Variants in ATAD3B observed in about 807,000 individuals in gnomAD.
ATAD3B encodes the protein ATPase family AAA domain containing 3B.
In ATAD3B, 59 loss-of-function variants were observed where a neutral mutation model predicts 70.2. That is an observed-to-expected ratio of 0.84 (90% CI 0.68 to 1.04). ATAD3B has a LOEUF of 1.04. Among genes scored for constraint, ATAD3B ranks in the 50% least tolerant of loss-of-function variants. The pLI, the probability that ATAD3B is intolerant of heterozygous loss-of-function variation, is 0.00. For missense variants in ATAD3B, 961 were observed against 913.4 expected, an observed-to-expected ratio of 1.05 and a Z score of -0.67; for synonymous variants, 423 against 388.6, an observed-to-expected ratio of 1.09 and a Z score of -1.04.
intron 4 of ATAD3B, among the ~76,000 whole-genome samples, chr1:1,479,408 C>CT (rs1639778608): frequency 6.9e-6 from 1 of 144,228 alleles, no homozygotes; most frequent in African/African-American, 2.6e-5. Context: ...ACACACACAC[C>CT]CCTGCACACA....
At chr1:1,495,338 C>A in intron 15 of ATAD3B, 147 bp from the exon 16 acceptor site, 1 of 1,142,748 alleles carries the variant, frequency 8.8e-7, no homozygotes, top group Non-Finnish European at 1.2e-6. Context: ...GCGTGCTGGG[C>A]TCTGCCAAGG....
chr1:1,495,596 G>T lies in ATAD3B; in HGVS notation c.1726G>T (p.Gly576Trp). 6.2e-7 allele frequency: 1 copy of T among 1,613,170 alleles called. No homozygotes were observed. Among genetic ancestry groups the T allele is most frequent in the Non-Finnish European group, 8.5e-7 (1 of 1,179,512 alleles). The change falls in exon 16 of 16, where the codon GGG (glycine) becomes TGG (tryptophan). Residue 576 changes from glycine to tryptophan, a missense_variant. Around this residue, in one of 4 missense-constraint regions of ATAD3B, gnomAD observed 417 missense variants for 335.0 expected, o/e 1.24. Coordinates refer to ENST00000673477, the MANE Select transcript of ATAD3B (RefSeq NM_031921.6). ...RQKMRWLKAE[G>W]PGRGVEHPLS... The stretch of plus-strand genomic sequence containing the variant: ...GAAGATGCGCTGGCTGAAGGCGGAG[G>T]GGCCTGGGCGCGGGGTCGAGCACCC...
intron 8 of ATAD3B, among the ~76,000 whole-genome samples, chr1:1,485,421 G>A (rs573556080): frequency 1.3e-5 from 2 of 152,038 alleles, no homozygotes; most frequent in Admixed American, 1.3e-4. Context: ...GCACATCGGG[G>A]TCCTTGCAAG....
At chr1:1,502,204 CTT>C (rs903839728), downstream of ATAD3B, among the ~76,000 whole-genome samples, 1 of 147,922 alleles carries the variant, frequency 6.8e-6, no homozygotes, top group Non-Finnish European at 1.5e-5. Context: ...TTTACTCTGG[CTT>C]TTTTTTTCTC....
downstream of ATAD3B, among the ~76,000 whole-genome samples, chr1:1,498,187 C>T (rs1396942896): frequency 6.6e-6 from 1 of 151,972 alleles, no homozygotes; most frequent in Non-Finnish European, 1.5e-5. Flanking sequence ...ACTGTAATCC[C>T]AGCTACTCGG....
rs2100566915 is a variant in ATAD3B, at chr1:1,485,109, CCGT to C, written c.846_848del (p.Ser283del). Reference sequence around the variant, plus strand: ...CTTCATCGAGGCTCGGCTGGGGAAGCCGTCCCTAGTGAGGGAGACGTCCCGCAT... The same window carrying C: ...CTTCATCGAGGCTCGGCTGGGGAAGCCCCTAGTGAGGGAGACGTCCCGCAT... On this transcript the variant is annotated inframe_deletion, in exon 8 of 16. Coordinates refer to ENST00000673477, the MANE Select transcript of ATAD3B (RefSeq NM_031921.6). The C allele has an allele frequency of 6.2e-7, 1 of 1,610,272 alleles. No homozygotes were observed. Among genetic ancestry groups the C allele is most frequent in the East Asian group, 2.2e-5 (1 of 44,852 alleles).
At chr1:1,492,811 C>T (rs983790747) in intron 15 of ATAD3B, among the ~76,000 whole-genome samples, 4 of 150,332 alleles carry the variant, frequency 2.7e-5, no homozygotes, top group Non-Finnish European at 4.5e-5. Flanking sequence ...TGGTGGCTGG[C>T]GCCTGTAGTC....
intron 13 of ATAD3B, chr1:1,489,809 C>T: frequency 7.9e-7 from 1 of 1,271,646 alleles, no homozygotes; most frequent in East Asian, 5.5e-5. Flanking sequence ...AGCCCTGACT[C>T]AGGTCCTTCC....
At chr1:1,498,372 G>A (rs1351579785), downstream of ATAD3B, among the ~76,000 whole-genome samples, 2 of 151,910 alleles carry the variant, frequency 1.3e-5, no homozygotes, top group Admixed American at 1.3e-4. Flanking sequence ...GGCTTAGCTA[G>A]GAGGATCGCC....
At chr1:1,508,751 C>T in the ATAD3B span, among the ~76,000 whole-genome samples, 3 of 151,178 alleles carry the variant, frequency 2.0e-5, no homozygotes, top group Non-Finnish European at 2.9e-5. Flanking sequence ...CAGGGGTGGC[C>T]TTGGTGCCAC....
Position 1,485,070 on chromosome 1 carries a change from G to T in ATAD3B, c.805G>T (p.Ala269Ser). 1 of 1,607,832 alleles carries T rather than the reference G, an allele frequency of 6.2e-7. No homozygotes were observed. The highest frequency in any genetic ancestry group is 8.5e-7 in the Non-Finnish European group (1 of 1,178,354). Residue 269 changes from alanine to serine, a missense_variant, in exon 8 of 16, where the codon GCC becomes TCC. Ala to Ser is a moderately conservative substitution (Grantham distance 99, BLOSUM62 1). Around this residue, in one of 4 missense-constraint regions of ATAD3B, gnomAD observed 349 missense variants for 307.5 expected, o/e 1.14. Coordinates refer to ENST00000673477, the MANE Select transcript of ATAD3B (RefSeq NM_031921.6). Reference protein sequence around the residue: ...VGVYSAKNATAVTGRFIEARL... With the variant: ...VGVYSAKNATSVTGRFIEARL... ...GGTCTACTCAGCCAAGAATGCGACA[G>T]CCGTCACTGGCCGCTTCATCGAGGC...
intron 1 of ATAD3B, among the ~76,000 whole-genome samples, chr1:1,475,598 G>A (rs1221056263): frequency 4.6e-5 from 7 of 151,794 alleles, no homozygotes; most frequent in Admixed American, 1.3e-4. Flanking sequence ...CCCCTCCTCC[G>A]GCCTGTCCTT....
the ATAD3B span, among the ~76,000 whole-genome samples, chr1:1,502,938 C>T: frequency 6.6e-6 from 1 of 151,158 alleles, no homozygotes; most frequent in Non-Finnish European, 1.5e-5. Context: ...GTATAAGCCA[C>T]ATCAGGCCGG....
chr1:1,500,278 T>C (rs1382767315), downstream of ATAD3B, among the ~76,000 whole-genome samples: 63 of 140,270 alleles, frequency 4.5e-4, no homozygotes, highest in East Asian at 1.7e-3. Context: ...TGTGGCCGGG[T>C]GCGGTGGCTC....
At chr1:1,506,372 G>T in the ATAD3B span, among the ~76,000 whole-genome samples, 1 of 151,028 alleles carries the variant, frequency 6.6e-6, no homozygotes. Context: ...TCTCTATATT[G>T]CCTTGACGTC....
chr1:1,496,278 A>G lies in ATAD3B; in HGVS notation c.*461A>G. 2.0e-6 allele frequency: 2 copies of G among 977,652 alleles called. No homozygotes were observed. The highest frequency in any genetic ancestry group is 2.4e-6 in the Non-Finnish European group (2 of 821,388). The allele number at this position is 977,652 out of a possible 1,614,324, so 60.6% of individuals were successfully genotyped here. A position where few individuals can be genotyped will look rare whatever the true frequency, so the allele number is the denominator to read the frequency against. ...TAGCGTCCTCCTGGGGTCAAAGGTGACATAAGAGGCAGAGGCTGGAGCTTT... is the reference window on the plus strand; with the variant it reads ...TAGCGTCCTCCTGGGGTCAAAGGTGGCATAAGAGGCAGAGGCTGGAGCTTT... On this transcript the variant is annotated 3_prime_UTR_variant, in exon 16 of 16. Transcript: ENST00000673477.
chr1:1,496,305 T>C lies in ATAD3B; in HGVS notation c.*488T>C, dbSNP rs552025494. On this transcript the variant is annotated 3_prime_UTR_variant, in exon 16 of 16. Coordinates refer to ENST00000673477, the MANE Select transcript of ATAD3B (RefSeq NM_031921.6). Reference sequence around the variant, plus strand: ...ATAAGAGGCAGAGGCTGGAGCTTTCTGGAGAATTTACTGATCACAGAGCGG... The same window carrying C: ...ATAAGAGGCAGAGGCTGGAGCTTTCCGGAGAATTTACTGATCACAGAGCGG... 2.3e-5 allele frequency: 21 copies of C among 930,058 alleles called. No individual in the cohort carries two copies. In the African/African-American group the frequency reaches 3.7e-4, roughly 16 times the overall value. The allele number at this position is 930,058 out of a possible 1,614,324, so 57.6% of individuals were successfully genotyped here.
downstream of ATAD3B, among the ~76,000 whole-genome samples, chr1:1,498,137 C>T (rs986205804): frequency 6.6e-6 from 1 of 150,734 alleles, no homozygotes; most frequent in African/African-American, 2.4e-5. Flanking sequence ...ACCCCCATCT[C>T]TATTAAAAAT....
Position 1,472,076 on chromosome 1 carries a change from G to A in ATAD3B, c.192G>A (p.Glu64=). 2 of 1,217,992 alleles carry A rather than the reference G, an allele frequency of 1.6e-6. No individual in the cohort carries two copies. Among genetic ancestry groups the A allele is most frequent in the Non-Finnish European group, 2.0e-6 (2 of 979,686 alleles). 75.4% of individuals were successfully genotyped at this position (1,217,992 alleles called of 1,614,324 possible). ...AGCGCGCCGCCAAGGCGGCGCGCGA[G>A]CTGGAGCACTCGCGTGAGTGCGGCG... ...GLERAAKAAR[E]LEHSRYAKEA... is the part of the protein sequence containing the mutation. The change falls in exon 1 of 16, where the codon GAG becomes GAA. Residue 64 remains glutamate, a synonymous_variant. Coordinates refer to ENST00000673477, the MANE Select transcript of ATAD3B (RefSeq NM_031921.6).
Sources: gnomAD v4.1 joint callset for allele counts (sites outside exome capture counted in the v4.1 genomes callset) on GRCh38, gnomAD v4.1.1 for gene constraint, gnomAD v4.1.1 regional missense constraint, MANE v1.5 for transcripts, NCBI Gene and HGNC (gene_info 2026-07-23, HGNC 2026-07-21) for gene names.